Variants in KLF12 observed in about 807,000 individuals in gnomAD.
The protein encoded by KLF12 is KLF transcription factor 12, also known as Krueppel-like factor 12.
KLF12 carries 9 observed loss-of-function variants against 37.8 expected under a neutral mutation model. The observed-to-expected ratio is 0.24, with a 90% confidence interval of 0.14 to 0.42. KLF12 has a LOEUF of 0.42. Among genes scored for constraint, KLF12 ranks in the 10% least tolerant of loss-of-function variants. The pLI is 1.00. For synonymous variants in KLF12, 208 were observed against 202.1 expected (o/e 1.03, Z -0.25); for missense variants, 411 against 516.0 (o/e 0.80, Z 1.97).
At position 73,792,987 on chromosome 13, in the gene KLF12, A is replaced by G. The variant is rs138428293; in HGVS notation, c.806+20165T>C. Among the ~76,000 whole-genome samples the G allele has an allele frequency of 2.2e-3, 329 of 152,344 alleles. 1 individual carries two copies. Among genetic ancestry groups the G allele is most frequent in the African/African-American group, 7.2e-3 (299 of 41,586 alleles). ...TGCCTGACGTTTAATTGAGTCTGGC[A>G]CATGTGTGCTCTAGTAACGTACTCA... On this transcript the variant is annotated intron_variant, in intron 5 of 7. Coordinates refer to ENST00000377669, the MANE Select transcript of KLF12 (RefSeq NM_007249.5).
the KLF12 span, among the ~76,000 whole-genome samples, chr13:74,168,948 C>T: frequency 1.3e-5 from 2 of 152,258 alleles, no homozygotes; most frequent in African/African-American, 4.8e-5. Context: ...ATTGTTGCTG[C>T]CTTGCGTTTC....
chr13:74,060,246 T>A (rs570618788), intron 1 of KLF12, among the ~76,000 whole-genome samples: 3 of 152,298 alleles, frequency 2.0e-5, no homozygotes, highest in Admixed American at 6.5e-5. Flanking sequence ...GCTCGTGGTC[T>A]TTTTTGTTTT....
chr13:74,299,208 G>T, the KLF12 span, among the ~76,000 whole-genome samples: 2 of 152,172 alleles, frequency 1.3e-5, no homozygotes, highest in African/African-American at 2.4e-5. Flanking sequence ...GAGAAAGAGC[G>T]GGGAGAAGTG....
the KLF12 span, among the ~76,000 whole-genome samples, chr13:74,176,114 AG>A: frequency 7.9e-4 from 120 of 152,152 alleles, no homozygotes; most frequent in Non-Finnish European, 1.6e-3. Context: ...TTTTCTCCCA[AG>A]CATACAATTT....
At chr13:74,033,274 T>TACCAAAA (rs1286356094) in intron 1 of KLF12, among the ~76,000 whole-genome samples, 1 of 152,230 alleles carries the variant, frequency 6.6e-6, no homozygotes, top group Non-Finnish European at 1.5e-5. Flanking sequence ...CAGGATACAT[T>TACCAAAA]GTTACTCTAT....
chr13:73,938,881 C>G (rs1452066128), intron 3 of KLF12, among the ~76,000 whole-genome samples: 1 of 152,158 alleles, frequency 6.6e-6, no homozygotes, highest in East Asian at 1.9e-4. Context: ...CTATACTTGT[C>G]TGCGGCAATG....
intron 4 of KLF12, among the ~76,000 whole-genome samples, chr13:73,815,254 A>G (rs938621413): frequency 3.3e-5 from 5 of 152,214 alleles, no homozygotes; most frequent in African/African-American, 1.2e-4. Context: ...TTCCATCACT[A>G]TCTGGTAACA....
At chr13:73,819,562 G>A (rs1300329833) in intron 4 of KLF12, among the ~76,000 whole-genome samples, 1 of 143,696 alleles carries the variant, frequency 7.0e-6, no homozygotes, top group Non-Finnish European at 1.5e-5. Flanking sequence ...GAGGTAGCAA[G>A]CAGTCTTCTG....
chr13:74,146,961 T>C, the KLF12 span, among the ~76,000 whole-genome samples: 1 of 152,198 alleles, frequency 6.6e-6, no homozygotes. Context: ...AGATAACTTA[T>C]TAGTGAACCT....
chr13:74,203,533 G>A, the KLF12 span, among the ~76,000 whole-genome samples: 9 of 151,846 alleles, frequency 5.9e-5, no homozygotes, highest in East Asian at 9.7e-4. Flanking sequence ...ACTAGGATAA[G>A]GCAAAAAAAG....
At chr13:74,008,655 C>T (rs529328052) in intron 1 of KLF12, among the ~76,000 whole-genome samples, 58 of 152,296 alleles carry the variant, frequency 3.8e-4, no homozygotes, top group African/African-American at 1.3e-3. Flanking sequence ...TCTCAGCATC[C>T]TCATTTATGA....
At chr13:73,784,368 C>T (rs1187532651) in intron 5 of KLF12, among the ~76,000 whole-genome samples, 1 of 152,112 alleles carries the variant, frequency 6.6e-6, no homozygotes, top group African/African-American at 2.4e-5. Flanking sequence ...CTGTCCCTAA[C>T]CCACTATTTC....
rs898375715 is a variant in KLF12 at position 73,960,437 on chromosome 13, C to T, written c.34-16367G>A. Reference sequence around the variant, plus strand: ...GTTATCTATACAATTAAAATAAATGCTTGACAGTTCAAAATGTGAGGCAAA... The same window carrying T: ...GTTATCTATACAATTAAAATAAATGTTTGACAGTTCAAAATGTGAGGCAAA... On this transcript the variant is annotated intron_variant, in intron 2 of 7. Coordinates refer to ENST00000377669, the MANE Select transcript of KLF12 (RefSeq NM_007249.5). The T allele has an allele frequency of 1.3e-5, 3 of 236,378 alleles. No homozygotes were observed. In the East Asian group the frequency reaches 3.4e-4, roughly 27 times the overall value. The allele number at this position is 236,378 out of a possible 1,614,324, so 14.6% of individuals were successfully genotyped here. A position where few individuals can be genotyped will look rare whatever the true frequency, so the allele number is the denominator to read the frequency against.
intron 2 of KLF12, among the ~76,000 whole-genome samples, chr13:73,953,408 C>CA (rs1350715021): frequency 5.9e-5 from 9 of 151,918 alleles, no homozygotes; most frequent in Non-Finnish European, 1.2e-4. Context: ...TCATGGTTAT[C>CA]AAAACCAAAA....
chr13:74,261,471 T>A, the KLF12 span, among the ~76,000 whole-genome samples: 6 of 152,214 alleles, frequency 3.9e-5, no homozygotes, highest in Non-Finnish European at 8.8e-5. Context: ...TTTCCCATTC[T>A]ATTCAAACCA....
At chr13:74,064,927 TCA>T (rs1446328642) in intron 1 of KLF12, among the ~76,000 whole-genome samples, 1 of 152,198 alleles carries the variant, frequency 6.6e-6, no homozygotes, top group Admixed American at 6.5e-5. Flanking sequence ...TAAGTCTGAT[TCA>T]CACACACTCA....
chr13:73,748,660 C>A (rs546754008), intron 6 of KLF12, among the ~76,000 whole-genome samples: 261 of 152,248 alleles, frequency 1.7e-3, no homozygotes, highest in Middle Eastern at 3.4e-3. Context: ...GTGGTTTTAG[C>A]CACACAATCT....
intron 3 of KLF12, among the ~76,000 whole-genome samples, chr13:73,926,835 G>A (rs1291134195): frequency 2.0e-5 from 3 of 151,450 alleles, no homozygotes; most frequent in African/African-American, 4.9e-5. Flanking sequence ...CTGTAGAATT[G>A]TATCATTTCA....
chr13:74,151,745 C>T, the KLF12 span, among the ~76,000 whole-genome samples: 2 of 152,042 alleles, frequency 1.3e-5, no homozygotes, highest in Non-Finnish European at 2.9e-5. Flanking sequence ...ATGATTGAAG[C>T]TTATAAATAT....
Sources: gnomAD v4.1 joint callset for allele counts (sites outside exome capture counted in the v4.1 genomes callset) on GRCh38, gnomAD v4.1.1 for gene constraint, MANE v1.5 for transcripts, NCBI Gene and HGNC (gene_info 2026-07-23, HGNC 2026-07-21) for gene names.